HS6ST3: variants seen among roughly 807,000 people sequenced by gnomAD.
HS6ST3 encodes the protein heparan-sulfate 6-O-sulfotransferase 3.
Under a neutral mutation model 36.7 loss-of-function variants are expected in HS6ST3, and 12 were observed. The observed-to-expected ratio is 0.33, with a 90% CI of 0.21 to 0.53. HS6ST3 has a LOEUF of 0.53. Ranked by LOEUF, HS6ST3 falls within the 20% of genes least tolerant of loss-of-function variation. HS6ST3 has a pLI of 0.95. For synonymous variants in HS6ST3, 240 were observed against 257.5 expected, an observed-to-expected ratio of 0.93 and a Z score of 0.65; for missense variants, 584 against 640.9, an observed-to-expected ratio of 0.91 and a Z score of 0.96.
chr13:96,674,581 C>G (rs559318597), intron 1 of HS6ST3, among the ~76,000 whole-genome samples: 1 of 152,082 alleles, frequency 6.6e-6, no homozygotes, highest in Non-Finnish European at 1.5e-5. Flanking sequence ...ACTCTCACAT[C>G]GTCCCTCTAT....
chr13:96,592,095 T>G (rs1566405870), intron 1 of HS6ST3, among the ~76,000 whole-genome samples: 1 of 152,118 alleles, frequency 6.6e-6, no homozygotes, highest in Non-Finnish European at 1.5e-5. Flanking sequence ...TGAATTTGGT[T>G]TGCTAGCATT....
intron 1 of HS6ST3, among the ~76,000 whole-genome samples, chr13:96,373,461 T>C (rs1410681621): frequency 6.6e-6 from 1 of 152,242 alleles, no homozygotes; most frequent in Admixed American, 6.5e-5. Context: ...TTTCGTGATG[T>C]ATCATTTTTA....
At chr13:96,249,472 T>A (rs1360478574) in intron 1 of HS6ST3, among the ~76,000 whole-genome samples, 1 of 152,038 alleles carries the variant, frequency 6.6e-6, no homozygotes, top group East Asian at 1.9e-4. Flanking sequence ...AGAGGGAAGA[T>A]AAGAGAAGTG....
chr13:96,548,995 C>G (rs1420903850), intron 1 of HS6ST3, among the ~76,000 whole-genome samples: 1 of 152,212 alleles, frequency 6.6e-6, no homozygotes, highest in Non-Finnish European at 1.5e-5. Context: ...ACTCTCCTTA[C>G]AAACACTTGA....
intron 1 of HS6ST3, among the ~76,000 whole-genome samples, chr13:96,552,124 A>G (rs2056221692): frequency 6.6e-6 from 1 of 152,298 alleles, no homozygotes. Context: ...GTTTATTTCC[A>G]TGGTTTTGGA....
intron 1 of HS6ST3, among the ~76,000 whole-genome samples, chr13:96,304,818 C>G (rs1262165162): frequency 1.3e-5 from 2 of 148,740 alleles, no homozygotes; most frequent in Non-Finnish European, 3.0e-5. Flanking sequence ...TCAAGCAATT[C>G]TCCTGCCTCA....
chr13:96,113,360 C>A (rs958052799), intron 1 of HS6ST3, among the ~76,000 whole-genome samples: 1 of 152,062 alleles, frequency 6.6e-6, no homozygotes, highest in African/African-American at 2.4e-5. Context: ...ACACCCCTGC[C>A]CCCCATTAAC....
chr13:96,137,471 T>A (rs1464445901), intron 1 of HS6ST3, among the ~76,000 whole-genome samples: 1 of 149,572 alleles, frequency 6.7e-6, no homozygotes, highest in Admixed American at 6.7e-5. Context: ...TCTCGCTCTG[T>A]CACCCAGGCT....
At chr13:96,661,585 T>C (rs1481913469) in intron 1 of HS6ST3, among the ~76,000 whole-genome samples, 1 of 152,170 alleles carries the variant, frequency 6.6e-6, no homozygotes, top group Non-Finnish European at 1.5e-5. Context: ...AGAGCATTAG[T>C]TCATTTATCT....
chr13:96,554,691 G>A (rs1489788362), intron 1 of HS6ST3, among the ~76,000 whole-genome samples: 6 of 152,058 alleles, frequency 3.9e-5, no homozygotes, highest in African/African-American at 1.4e-4. Flanking sequence ...ATGGAGCCTA[G>A]GGCCATAGTG....
intron 1 of HS6ST3, among the ~76,000 whole-genome samples, chr13:96,460,744 A>C (rs1292543719): frequency 6.6e-6 from 1 of 152,232 alleles, no homozygotes; most frequent in Non-Finnish European, 1.5e-5. Flanking sequence ...AGATGACTCT[A>C]AATTCTATTT....
At chr13:96,688,235 ATC>A (rs61023602) in intron 1 of HS6ST3, among the ~76,000 whole-genome samples, 1 of 148,774 alleles carries the variant, frequency 6.7e-6, no homozygotes, top group Non-Finnish European at 1.5e-5. Context: ...AATCATCATC[ATC>A]ATAATAAAAA....
At position 96,744,213 on chromosome 13, in the gene HS6ST3, G is replaced by A. The variant is rs545459105; in HGVS notation, c.708-88277G>A. Among the ~76,000 whole-genome samples the A allele has an allele frequency of 1.2e-3, 182 of 151,904 alleles. 1 individual carries two copies. Among genetic ancestry groups the A allele is most frequent in the Middle Eastern group, 3.4e-3 (1 of 294 alleles). On this transcript the variant is annotated intron_variant, in intron 1 of 1. Coordinates refer to ENST00000376705, the MANE Select transcript of HS6ST3 (RefSeq NM_153456.4). ...TTTAATTTTTTTTCTCTTTCCATAA[G>A]GAGTGTAATTTTCACTGGGCTTGGA...
intron 1 of HS6ST3, among the ~76,000 whole-genome samples, chr13:96,138,586 T>C (rs908890806): frequency 2.0e-5 from 3 of 152,032 alleles, no homozygotes; most frequent in Non-Finnish European, 4.4e-5. Context: ...TCTAAAAGTT[T>C]CCTTGCGTCA....
At position 96,139,486 on chromosome 13, in the gene HS6ST3, C is replaced by T. The variant is rs56149381; in HGVS notation, c.707+47917C>T. 3.9e-5 allele frequency among the ~76,000 whole-genome samples: 5 copies of T among 128,086 alleles called. No homozygotes were observed. In the South Asian group the frequency reaches 1.3e-3, roughly 34 times the overall value. 84.0% of individuals were successfully genotyped at this position (128,086 alleles called of 152,430 possible). On this transcript the variant is annotated intron_variant, in intron 1 of 1. Transcript: ENST00000376705. ...TTTAATGAATTAAGGATGAGCTGAT[C>T]TTCCCTGTTGTCAGTTGGGAATGAA... is the stretch of plus-strand genomic sequence containing the variant.
At chr13:96,609,248 A>G (rs552240779) in intron 1 of HS6ST3, among the ~76,000 whole-genome samples, 77 of 152,188 alleles carry the variant, frequency 5.1e-4, no homozygotes, top group Non-Finnish European at 9.0e-4. Context: ...GGGATTGCAG[A>G]TGTGAGCCAC....
chr13:96,802,133 C>T (rs1878091888), intron 1 of HS6ST3, among the ~76,000 whole-genome samples: 1 of 152,132 alleles, frequency 6.6e-6, no homozygotes, highest in Non-Finnish European at 1.5e-5. Context: ...AGTCAACATT[C>T]TCTGACATCT....
intron 1 of HS6ST3, among the ~76,000 whole-genome samples, chr13:96,241,989 G>T (rs2054562830): frequency 6.6e-6 from 1 of 151,704 alleles, no homozygotes; most frequent in Admixed American, 6.6e-5. Context: ...GTTTCACCGT[G>T]TTAGCCAGGA....
intron 1 of HS6ST3, among the ~76,000 whole-genome samples, chr13:96,409,723 A>T (rs2055497757): frequency 6.6e-6 from 1 of 152,202 alleles, no homozygotes; most frequent in African/African-American, 2.4e-5. Context: ...CTGCAAGCGG[A>T]TCTATCTATT....
Sources: gnomAD v4.1 joint callset for allele counts (sites outside exome capture counted in the v4.1 genomes callset) on GRCh38, gnomAD v4.1.1 for gene constraint, MANE v1.5 for transcripts, NCBI Gene and HGNC (gene_info 2026-07-23, HGNC 2026-07-21) for gene names.